Variants in KCNH7 observed in about 807,000 individuals in gnomAD.
The protein encoded by KCNH7 is potassium voltage-gated channel subfamily H member 7.
In KCNH7, 49 loss-of-function variants were observed where a neutral mutation model predicts 120.8. That is an observed-to-expected ratio of 0.41 (90% CI 0.32 to 0.51). The LOEUF (loss-of-function observed/expected upper bound fraction) is 0.51, where lower values mean the gene tolerates loss of function less well. Ranked by LOEUF, KCNH7 falls within the 20% of genes least tolerant of loss-of-function variation. The pLI is 0.38. For missense variants in KCNH7, 1,097 were observed against 1,446.6 expected (o/e 0.76, Z 3.92); for synonymous variants, 547 against 516.1 (o/e 1.06, Z -0.81).
At chr2:162,719,566 T>C (rs768519236) in intron 2 of KCNH7, among the ~76,000 whole-genome samples, 12 of 151,998 alleles carry the variant, frequency 7.9e-5, no homozygotes, top group Non-Finnish European at 1.5e-4. Flanking sequence ...TAGTGAGAAA[T>C]ATTTTATTTT....
intron 2 of KCNH7, among the ~76,000 whole-genome samples, chr2:162,647,428 T>G (rs953030891): frequency 1.2e-4 from 18 of 152,184 alleles, no homozygotes; most frequent in African/African-American, 4.3e-4. Context: ...TAAATTTGTG[T>G]GGCCACATTT....
At chr2:162,532,977 A>T (rs568014491) in intron 3 of KCNH7, among the ~76,000 whole-genome samples, 1 of 151,916 alleles carries the variant, frequency 6.6e-6, no homozygotes, top group Non-Finnish European at 1.5e-5. Flanking sequence ...CGAAAACTGC[A>T]TGGTGGGAAG....
intron 2 of KCNH7, among the ~76,000 whole-genome samples, chr2:162,757,897 C>A (rs1688842441): frequency 6.6e-6 from 1 of 152,128 alleles, no homozygotes; most frequent in South Asian, 2.1e-4. Context: ...TCATATGAGT[C>A]ACTACCATGC....
At chr2:162,387,152 G>A (rs757035590) in intron 12 of KCNH7, among the ~76,000 whole-genome samples, 6 of 149,862 alleles carry the variant, frequency 4.0e-5, no homozygotes, top group Non-Finnish European at 7.4e-5. Context: ...TTCTGTATTA[G>A]TTGCTACTGG....
intron 9 of KCNH7, among the ~76,000 whole-genome samples, chr2:162,410,664 C>T (rs1186517968): frequency 6.6e-6 from 1 of 151,896 alleles, no homozygotes; most frequent in African/African-American, 2.4e-5. Context: ...AACAGAAAAC[C>T]TACAGAATGG....
intron 2 of KCNH7, among the ~76,000 whole-genome samples, chr2:162,834,615 T>C (rs1334368465): frequency 6.6e-6 from 1 of 152,084 alleles, no homozygotes; most frequent in Non-Finnish European, 1.5e-5. Flanking sequence ...AGATTTGTAT[T>C]TGTCAATATA....
At chr2:162,743,486 G>GA (rs1425583169) in intron 2 of KCNH7, among the ~76,000 whole-genome samples, 2 of 151,952 alleles carry the variant, frequency 1.3e-5, no homozygotes, top group African/African-American at 4.8e-5. Flanking sequence ...AAGAAAAAAT[G>GA]AAAAAATTAC....
At chr2:162,546,763 CA>C (rs1692494617) in intron 2 of KCNH7, among the ~76,000 whole-genome samples, 1 of 151,754 alleles carries the variant, frequency 6.6e-6, no homozygotes, top group African/African-American at 2.4e-5. Flanking sequence ...TAAAATTTAA[CA>C]AGAATGGGTT....
intron 2 of KCNH7, among the ~76,000 whole-genome samples, chr2:162,835,135 T>A (rs186941968): frequency 1.1e-4 from 17 of 152,192 alleles, no homozygotes; most frequent in African/African-American, 3.8e-4. Flanking sequence ...ATGCCAACAC[T>A]ACTGATTGAA....
At chr2:162,722,820 T>TTC (rs1369453165) in intron 2 of KCNH7, among the ~76,000 whole-genome samples, 1 of 146,000 alleles carries the variant, frequency 6.8e-6, no homozygotes, top group East Asian at 2.0e-4. Flanking sequence ...TTTCTTTTTT[T>TTC]TTTTTTTTTT....
chr2:162,407,664 C>T (rs993806068), intron 9 of KCNH7, among the ~76,000 whole-genome samples: 1 of 151,966 alleles, frequency 6.6e-6, no homozygotes, highest in Non-Finnish European at 1.5e-5. Flanking sequence ...GATCTGCATC[C>T]TGAGGAGCAG....
intron 11 of KCNH7, 49 bp from the exon 12 acceptor site, chr2:162,394,534 C>T (rs762583590): frequency 1.9e-6 from 2 of 1,045,858 alleles, no homozygotes; most frequent in South Asian, 2.6e-5. Flanking sequence ...TGAATTAGAA[C>T]ACAATGTACT....
intron 4 of KCNH7, among the ~76,000 whole-genome samples, chr2:162,517,251 T>C (rs1242930536): frequency 1.3e-5 from 2 of 151,614 alleles, no homozygotes; most frequent in Non-Finnish European, 2.9e-5. Context: ...CCTACCTACC[T>C]TGCACCCCTG....
At chr2:162,808,507 T>G (rs1684627078) in intron 2 of KCNH7, among the ~76,000 whole-genome samples, 1 of 152,228 alleles carries the variant, frequency 6.6e-6, no homozygotes, top group African/African-American at 2.4e-5. Context: ...TGTTCAAATT[T>G]TGTTTTTACT....
intron 2 of KCNH7, among the ~76,000 whole-genome samples, chr2:162,650,718 A>G (rs965695573): frequency 6.6e-6 from 1 of 152,136 alleles, no homozygotes; most frequent in African/African-American, 2.4e-5. Flanking sequence ...ATGACTGTTT[A>G]TTTGATGTCT....
intron 6 of KCNH7, among the ~76,000 whole-genome samples, chr2:162,477,872 C>A (rs1689801239): frequency 6.7e-6 from 1 of 148,930 alleles, no homozygotes; most frequent in African/African-American, 2.6e-5. Context: ...GCCCACCCAC[C>A]CAACTTTTAT....
At chr2:162,456,007 T>C (rs1688948674) in intron 6 of KCNH7, among the ~76,000 whole-genome samples, 1 of 152,192 alleles carries the variant, frequency 6.6e-6, no homozygotes, top group South Asian at 2.1e-4. Flanking sequence ...CTTGCTTCTC[T>C]AGTTCTTTTA....
chr2:162,803,752 G>C (rs2105549005), intron 2 of KCNH7, among the ~76,000 whole-genome samples: 1 of 151,742 alleles, frequency 6.6e-6, no homozygotes. Flanking sequence ...GCATAAAAAA[G>C]GAACAGGAAC....
Position 162,371,817 on chromosome 2 carries a change from A to G in KCNH7, c.*12T>C, listed in dbSNP as rs1005044259. On this transcript the variant is annotated 3_prime_UTR_variant, in exon 16 of 16. Coordinates refer to ENST00000332142, the MANE Select transcript of KCNH7 (RefSeq NM_033272.4). ...CACTTACATTGTATGTGGAGTAAAT[A>G]GTACAAAATGATTATTTCCCTGGAA... The G allele has an allele frequency of 3.7e-6, 6 of 1,602,596 alleles. No individual in the cohort carries two copies. Among genetic ancestry groups the G allele is most frequent in the Non-Finnish European group, 5.1e-6 (6 of 1,171,008 alleles).
Sources: allele counts gnomAD v4.1 joint callset (sites outside exome capture counted in the v4.1 genomes callset), GRCh38; gene constraint gnomAD v4.1.1; transcripts MANE v1.5; gene names NCBI Gene and HGNC (gene_info 2026-07-23, HGNC 2026-07-21).